PBRM1: variants seen among roughly 807,000 people sequenced by gnomAD.
PBRM1 encodes polybromo 1, also known as protein polybromo-1.
In PBRM1, 27 loss-of-function variants were observed where a neutral mutation model predicts 194.5. The ratio of observed to expected loss-of-function variants is 0.14; its 90% CI spans 0.10 to 0.19. The LOEUF is 0.19. Among genes scored for constraint, PBRM1 ranks in the 10% least tolerant of loss-of-function variants. The pLI, the probability that PBRM1 is intolerant of heterozygous loss-of-function variation, is 1.00. For missense variants in PBRM1, 1,466 were observed against 2,077.2 expected (o/e 0.71, Z 5.72); for synonymous variants, 655 against 693.2 (o/e 0.94, Z 0.87).
rs566481465 is a variant in PBRM1, at chr3:52,612,258, C to CAAAAAAAAAAAAAAAAAAAAAAAAA, written c.1925-2304_1925-2303insTTTTTTTTTTTTTTTTTTTTTTTTT. Among the ~76,000 whole-genome samples, 11 of 24,010 alleles carry CAAAAAAAAAAAAAAAAAAAAAAAAA rather than the reference C, an allele frequency of 4.6e-4. 1 individual carries two copies. Among genetic ancestry groups the CAAAAAAAAAAAAAAAAAAAAAAAAA allele is most frequent in the Non-Finnish European group, 7.7e-4 (10 of 12,910 alleles). 15.8% of individuals were successfully genotyped at this position (24,010 alleles called of 152,430 possible). A position where few individuals can be genotyped will look rare whatever the true frequency, so the allele number is the denominator to read the frequency against. On this transcript the variant is annotated intron_variant, in intron 15 of 29. Transcript: ENST00000296302. ...TAGGCAACAGAGCGAGATTCCGTCT[C>CAAAAAAAAAAAAAAAAAAAAAAAAA]AAAAAAAAAAAAAAAAAAAAAAAAG... is the stretch of plus-strand genomic sequence containing the variant.
intron 22 of PBRM1, among the ~76,000 whole-genome samples, chr3:52,569,097 A>G (rs1424620526): frequency 6.6e-6 from 1 of 152,094 alleles, no homozygotes; most frequent in Non-Finnish European, 1.5e-5. Context: ...CATCTTGCCC[A>G]GGCTGGTCTC....
intron 13 of PBRM1, 70 bp from the exon 15 acceptor site, chr3:52,625,011 A>G: frequency 9.9e-7 from 1 of 1,006,266 alleles, no homozygotes; most frequent in Non-Finnish European, 1.5e-6. Flanking sequence ...GTCATGTACA[A>G]ACCATGTATG....
In PBRM1 at chr3:52,609,870, C is replaced by T. The variant is rs561327458; in HGVS notation, c.2010G>A (p.Lys670=). The change falls in exon 16 of 30, where the codon AAG becomes AAA. Residue 670 remains lysine (K), a synonymous_variant. Transcript: ENST00000296302. The surrounding 1 kb of genome is among the most constrained non-coding windows in gnomAD (Gnocchi z 4.1). ...GGCGACCCCTCTTATCAGTATAGTT[C>T]TTTACAGCTTCATAGACCTCATTTA... 3.7e-6 allele frequency: 6 copies of T among 1,600,722 alleles called. No homozygotes were observed. In the South Asian group the frequency reaches 5.6e-5, roughly 15 times the overall value.
intron 3 of PBRM1, among the ~76,000 whole-genome samples, chr3:52,665,427 G>A (rs541243581): frequency 6.6e-6 from 1 of 151,716 alleles, no homozygotes; most frequent in Non-Finnish European, 1.5e-5. Flanking sequence ...ACCTCCCAAA[G>A]CGCTGGGATT....
At chr3:52,627,826 C>T (rs1331122454) in intron 12 of PBRM1, among the ~76,000 whole-genome samples, 6 of 152,148 alleles carry the variant, frequency 3.9e-5, no homozygotes, top group Admixed American at 3.9e-4. Context: ...CCAAACAGAG[C>T]TGAAAGTCCA....
intron 27 of PBRM1, chr3:52,551,783 T>C (rs1246639362): frequency 1.3e-5 from 2 of 152,180 alleles, no homozygotes; most frequent in Admixed American, 6.5e-5. Context: ...AACTTCATAG[T>C]GTATAGTCCC....
chr3:52,647,961 G>A (rs1423858032), intron 7 of PBRM1, among the ~76,000 whole-genome samples: 3 of 151,668 alleles, frequency 2.0e-5, no homozygotes, highest in Non-Finnish European at 4.4e-5. Flanking sequence ...CTGTCGCCCG[G>A]GCTGGAGTGC....
intron 10 of PBRM1, among the ~76,000 whole-genome samples, chr3:52,639,341 C>T (rs997203571): frequency 6.6e-6 from 1 of 152,060 alleles, no homozygotes; most frequent in Non-Finnish European, 1.5e-5. Flanking sequence ...TTATTTATGC[C>T]TTTTTGACAA....
intron 8 of PBRM1, among the ~76,000 whole-genome samples, chr3:52,643,835 G>C (rs2096203436): frequency 6.6e-6 from 1 of 152,122 alleles, no homozygotes; most frequent in South Asian, 2.1e-4. Flanking sequence ...AGCCGGGCAT[G>C]GTGGTGTGTG....
chr3:52,654,810 C>T (rs964050012), intron 5 of PBRM1, among the ~76,000 whole-genome samples: 2 of 152,014 alleles, frequency 1.3e-5, no homozygotes, highest in Admixed American at 6.6e-5. Flanking sequence ...GAAAAAGAGA[C>T]GGGGTCTCTT....
At chr3:52,664,578 T>C (rs947805134) in intron 3 of PBRM1, among the ~76,000 whole-genome samples, 1 of 151,068 alleles carries the variant, frequency 6.6e-6, no homozygotes, top group African/African-American at 2.4e-5. Flanking sequence ...TCTACTAAAA[T>C]ACAAAAATTA....
intron 22 of PBRM1, among the ~76,000 whole-genome samples, chr3:52,568,432 AT>A (rs561623709): frequency 8.3e-4 from 126 of 152,154 alleles, no homozygotes; most frequent in African/African-American, 2.9e-3. Context: ...CAAGATTGTC[AT>A]TTTTGTTTTT....
intron 8 of PBRM1, 65 bp from the exon 10 acceptor site, chr3:52,643,408 AAC>A (rs1262561879): frequency 8.4e-6 from 8 of 953,650 alleles, no homozygotes; most frequent in Non-Finnish European, 1.4e-5. Context: ...TGGGTAAACA[AAC>A]ACACACACAA....
intron 2 of PBRM1, among the ~76,000 whole-genome samples, chr3:52,676,142 A>T (rs2097097701): frequency 3.3e-5 from 4 of 122,866 alleles, no homozygotes; most frequent in South Asian, 2.5e-4. Context: ...AAAAAAAAAA[A>T]AAAAAAAAAA....
chr3:52,682,563 G>A (rs1256121107), upstream of PBRM1, among the ~76,000 whole-genome samples: 7 of 152,106 alleles, frequency 4.6e-5, no homozygotes, highest in African/African-American at 1.7e-4. Context: ...TCAACTTAAG[G>A]ATAATTTTCA....
At chr3:52,571,626 CAAAAAA>C (rs778993265) in intron 22 of PBRM1, among the ~76,000 whole-genome samples, 2 of 38,702 alleles carry the variant, frequency 5.2e-5, no homozygotes, top group South Asian at 1.4e-3. Context: ...AACTCCATCT[CAAAAAA>C]AAAAAAAAAA....
chr3:52,595,694 T>C (rs576599663), intron 17 of PBRM1, among the ~76,000 whole-genome samples: 8 of 152,338 alleles, frequency 5.3e-5, no homozygotes, highest in African/African-American at 1.7e-4. Flanking sequence ...ATTTATCTAC[T>C]TTTGCTTTGG....
chr3:52,662,262 T>C (rs1463651058), exon 4 of PBRM1: 1 of 1,612,286 alleles, frequency 6.2e-7, no homozygotes, highest in Non-Finnish European at 8.5e-7. Flanking sequence ...CGGCTTTATA[T>C]TCAGGAGAAT....
At position 52,564,045 on chromosome 3, in the gene PBRM1, T is replaced by C; in HGVS notation, c.3875+5A>G. 1 of 1,598,300 alleles carries C rather than the reference T, an allele frequency of 6.3e-7. No homozygotes were observed. The highest frequency in any genetic ancestry group is 8.6e-7 in the Non-Finnish European group (1 of 1,169,564). ...TCTTTTTTCCTTAAGTTTTTCAAGC[T>C]TTACCTGAAGTAGTAAATTTCATCA... On this transcript the variant is annotated splice_donor_5th_base_variant and intron_variant, in intron 23 of 29. Transcript: ENST00000296302.
Sources: allele counts gnomAD v4.1 joint callset (sites outside exome capture counted in the v4.1 genomes callset), GRCh38; gene constraint gnomAD v4.1.1; non-coding constraint Gnocchi (gnomAD v3.1); transcripts MANE v1.5; gene names NCBI Gene and HGNC (gene_info 2026-07-23, HGNC 2026-07-21).